Variants in CREB5 observed in about 807,000 individuals in gnomAD.
CREB5 encodes cyclic AMP-responsive element-binding protein 5.
CREB5 carries 19 observed loss-of-function variants against 57.1 expected under a neutral mutation model. That is an observed-to-expected ratio of 0.33 (90% confidence interval 0.23 to 0.49). The LOEUF is 0.49. Among genes scored for constraint, CREB5 ranks in the 20% least tolerant of loss-of-function variants. The pLI is 0.99. For missense variants in CREB5, 579 were observed against 671.6 expected (o/e 0.86, Z 1.52); for synonymous variants, 238 against 238.3 (o/e 1.00, Z 0.01).
chr7:28,763,549 T>A (rs1207428892), intron 7 of CREB5, among the ~76,000 whole-genome samples: 1 of 152,204 alleles, frequency 6.6e-6, no homozygotes, highest in Non-Finnish European at 1.5e-5. Flanking sequence ...CACTTTAGCC[T>A]TTAAAAGCGA....
At chr7:28,587,101 T>C (rs948161649) in intron 5 of CREB5, among the ~76,000 whole-genome samples, 2 of 152,240 alleles carry the variant, frequency 1.3e-5, no homozygotes, top group African/African-American at 4.8e-5. Context: ...GGATTCTAAA[T>C]CATTCATGTA....
intron 5 of CREB5, among the ~76,000 whole-genome samples, chr7:28,590,605 G>C (rs1025623883): frequency 6.6e-6 from 1 of 151,294 alleles, no homozygotes; most frequent in Non-Finnish European, 1.5e-5. Context: ...TGCAGCACAC[G>C]AACATGCCAC....
intron 7 of CREB5, among the ~76,000 whole-genome samples, chr7:28,726,920 A>C (rs529744879): frequency 2.0e-5 from 3 of 152,228 alleles, no homozygotes; most frequent in African/African-American, 7.2e-5. Flanking sequence ...AGTGGACAGA[A>C]GTTTAAGACA....
At chr7:28,560,971 T>TGCGC (rs1491558108) in intron 4 of CREB5, among the ~76,000 whole-genome samples, 2 of 54,064 alleles carry the variant, frequency 3.7e-5, no homozygotes, top group African/African-American at 1.2e-4. Context: ...CGTGTGTGTG[T>TGCGC]GCGTGTGTGC....
At chr7:28,755,984 C>A (rs116132198) in intron 7 of CREB5, among the ~76,000 whole-genome samples, 1,800 of 152,234 alleles carry the variant, frequency 0.012, 27 homozygotes, top group South Asian at 0.05. Context: ...AAGAACAATA[C>A]AATGTATTCT....
intron 7 of CREB5, among the ~76,000 whole-genome samples, chr7:28,796,886 A>G (rs1808076965): frequency 6.6e-6 from 1 of 152,170 alleles, no homozygotes; most frequent in East Asian, 1.9e-4. Flanking sequence ...GGCTCTCAGG[A>G]TAGAAGTTTG....
chr7:28,335,154 T>C (rs1785799277), intron 1 of CREB5, among the ~76,000 whole-genome samples: 3 of 152,230 alleles, frequency 2.0e-5, no homozygotes, highest in African/African-American at 7.2e-5. Flanking sequence ...TTGTTCTTTT[T>C]GCTCAGGATA....
chr7:28,585,517 G>A (rs1360448460), intron 5 of CREB5, among the ~76,000 whole-genome samples: 1 of 152,190 alleles, frequency 6.6e-6, no homozygotes, highest in Non-Finnish European at 1.5e-5. Context: ...TTTAACTGCT[G>A]TGCTCCTAAT....
chr7:28,595,359 T>C (rs889437884), intron 5 of CREB5, among the ~76,000 whole-genome samples: 3 of 152,188 alleles, frequency 2.0e-5, no homozygotes, highest in East Asian at 3.8e-4. Context: ...TCTGGTTTTT[T>C]TCCCTCCATC....
At chr7:28,364,197 C>A (rs966482063) in intron 1 of CREB5, among the ~76,000 whole-genome samples, 3 of 152,140 alleles carry the variant, frequency 2.0e-5, no homozygotes, top group Non-Finnish European at 4.4e-5. Flanking sequence ...TGCCGGAAAT[C>A]TTCAGAAGCT....
At chr7:28,700,983 A>G (rs113053541) in intron 5 of CREB5, among the ~76,000 whole-genome samples, 5,711 of 150,330 alleles carry the variant, frequency 0.038, 162 homozygotes, top group Non-Finnish European at 0.061. Flanking sequence ...AAAACAACCC[A>G]CCAACCCTGT....
intron 4 of CREB5, among the ~76,000 whole-genome samples, chr7:28,555,607 G>C (rs1488330623): frequency 6.6e-6 from 1 of 152,016 alleles, no homozygotes; most frequent in Non-Finnish European, 1.5e-5. Context: ...GCTGTAATTT[G>C]ATTTTTTTTA....
intron 5 of CREB5, among the ~76,000 whole-genome samples, chr7:28,585,761 T>C (rs1039086140): frequency 6.6e-6 from 1 of 151,150 alleles, no homozygotes; most frequent in Non-Finnish European, 1.5e-5. Flanking sequence ...CCACCCAGAG[T>C]GAGCCCGCAT....
chr7:28,744,340 CTTTTTTTT>C (rs753167682), intron 7 of CREB5, among the ~76,000 whole-genome samples: 1 of 88,786 alleles, frequency 1.1e-5, no homozygotes, highest in Non-Finnish European at 2.2e-5. Flanking sequence ...TTTAGTACCT[CTTTTTTTT>C]TTTTTTTTTT....
At chr7:28,360,840 TC>T (rs1268394606) in intron 1 of CREB5, among the ~76,000 whole-genome samples, 1 of 152,224 alleles carries the variant, frequency 6.6e-6, no homozygotes, top group Non-Finnish European at 1.5e-5. Flanking sequence ...GAGCAATCAT[TC>T]CTAGTGGTGT....
intron 4 of CREB5, among the ~76,000 whole-genome samples, chr7:28,560,951 C>CGTGTGCGT (rs1795209245): frequency 7.7e-5 from 3 of 38,980 alleles, no homozygotes; most frequent in African/African-American, 1.6e-4. Context: ...CGTGTGTGTG[C>CGTGTGCGT]GTGTGTGTGC....
At chr7:28,358,892 T>C (rs1786402005) in intron 1 of CREB5, among the ~76,000 whole-genome samples, 1 of 152,180 alleles carries the variant, frequency 6.6e-6, no homozygotes, top group African/African-American at 2.4e-5. Context: ...TTGGTATACG[T>C]ATTGGGGAGT....
At chr7:28,680,150 A>G (rs1050039023) in intron 5 of CREB5, among the ~76,000 whole-genome samples, 4 of 152,112 alleles carry the variant, frequency 2.6e-5, no homozygotes, top group Non-Finnish European at 5.9e-5. Flanking sequence ...ACCTCCTTAA[A>G]TTTTGCACCC....
chr7:28,442,426 A>G (rs1479970614), intron 1 of CREB5, among the ~76,000 whole-genome samples: 1 of 152,140 alleles, frequency 6.6e-6, no homozygotes, highest in Non-Finnish European at 1.5e-5. Flanking sequence ...TCCCTTTGGT[A>G]TACTGATTTC....
Sources: gnomAD v4.1 joint callset for allele counts (sites outside exome capture counted in the v4.1 genomes callset) on GRCh38, gnomAD v4.1.1 for gene constraint, MANE v1.5 for transcripts, NCBI Gene and HGNC (gene_info 2026-07-23, HGNC 2026-07-21) for gene names.